The following FOXJ3 variants were observed in gnomAD, a reference collection of about 807,000 sequenced individuals.
FOXJ3 encodes the protein forkhead box J3.
In FOXJ3, 22 loss-of-function variants were observed where a neutral mutation model predicts 76.1. The observed-to-expected ratio is 0.29, with a 90% CI of 0.21 to 0.41. The LOEUF is 0.41. FOXJ3 is among the 10% of genes least tolerant of loss of function. FOXJ3 has a pLI of 1.00. For synonymous variants in FOXJ3, 269 were observed against 261.2 expected (o/e 1.03, Z -0.29); for missense variants, 613 against 762.1 (o/e 0.80, Z 2.30).
chr1:42,209,164 CAG>C (rs1282501013), intron 5 of FOXJ3, among the ~76,000 whole-genome samples: 1 of 152,188 alleles, frequency 6.6e-6, no homozygotes, highest in Non-Finnish European at 1.5e-5. Flanking sequence ...TCAACAAAAA[CAG>C]AACAGTATTC....
chr1:42,288,451 T>C (rs80048513), intron 2 of FOXJ3, among the ~76,000 whole-genome samples: 3 of 152,352 alleles, frequency 2.0e-5, no homozygotes, highest in African/African-American at 4.8e-5. Context: ...TCAGTTTTTT[T>C]CTCTACTTCT....
At chr1:42,184,021 AGAG>A (rs1490899598) in intron 11 of FOXJ3, among the ~76,000 whole-genome samples, 1 of 152,134 alleles carries the variant, frequency 6.6e-6, no homozygotes, top group Non-Finnish European at 1.5e-5. Flanking sequence ...GAAAGAAAAA[AGAG>A]GAGAAAAGTT....
chr1:42,227,659 C>A (rs568490723), intron 5 of FOXJ3, among the ~76,000 whole-genome samples: 2 of 152,218 alleles, frequency 1.3e-5, no homozygotes, highest in African/African-American at 2.4e-5. Flanking sequence ...ACGACACCTG[C>A]GCCCTAATTA....
chr1:42,286,869 G>A (rs1653090311), intron 2 of FOXJ3, among the ~76,000 whole-genome samples: 1 of 151,596 alleles, frequency 6.6e-6, no homozygotes, highest in East Asian at 2.0e-4. Context: ...CCTGACCTCA[G>A]GTGATCCGCC....
At chr1:42,250,481 C>A (rs529409744) in intron 4 of FOXJ3, among the ~76,000 whole-genome samples, 187 of 152,232 alleles carry the variant, frequency 1.2e-3, no homozygotes, top group African/African-American at 3.9e-3. Context: ...ATCAAAACAA[C>A]TGCTTGAATC....
intron 1 of FOXJ3, among the ~76,000 whole-genome samples, chr1:42,327,626 G>A (rs774018164): frequency 2.0e-5 from 3 of 151,736 alleles, no homozygotes; most frequent in Non-Finnish European, 4.4e-5. Flanking sequence ...TCACAAATCT[G>A]TTTCAACACA....
intron 5 of FOXJ3, among the ~76,000 whole-genome samples, chr1:42,211,425 T>C (rs1453309619): frequency 6.6e-6 from 1 of 152,128 alleles, no homozygotes; most frequent in Non-Finnish European, 1.5e-5. Context: ...GTTTTCCTGC[T>C]GGCCTGAAAG....
intron 4 of FOXJ3, among the ~76,000 whole-genome samples, chr1:42,234,359 C>G (rs1648408881): frequency 6.6e-6 from 1 of 152,150 alleles, no homozygotes; most frequent in Admixed American, 6.6e-5. Context: ...CCTCCTTTAG[C>G]TCGGAGTAGT....
chr1:42,312,380 T>C (rs2124760295), intron 1 of FOXJ3, among the ~76,000 whole-genome samples: 1 of 152,244 alleles, frequency 6.6e-6, no homozygotes, highest in African/African-American at 2.4e-5. Flanking sequence ...TCCTAAATAC[T>C]ATGTAGGCCA....
At chr1:42,297,061 T>C (rs1025243372) in intron 2 of FOXJ3, among the ~76,000 whole-genome samples, 1 of 152,164 alleles carries the variant, frequency 6.6e-6, no homozygotes, top group South Asian at 2.1e-4. Context: ...GGTGTGGGTG[T>C]GTGTGTGTGT....
At chr1:42,280,525 G>A (rs182494218) in intron 2 of FOXJ3, 492 of 623,834 alleles carry the variant, frequency 7.9e-4, no homozygotes, top group Non-Finnish European at 9.6e-4. Context: ...AGAAGTTATA[G>A]GGACTTGTAG....
chr1:42,267,121 A>G (rs1651524939), intron 3 of FOXJ3, among the ~76,000 whole-genome samples: 1 of 152,144 alleles, frequency 6.6e-6, no homozygotes, highest in Non-Finnish European at 1.5e-5. Flanking sequence ...GGCTGAGGGA[A>G]GAAACACTGA....
chr1:42,252,352 G>C (rs1446863677), intron 4 of FOXJ3, among the ~76,000 whole-genome samples: 1 of 152,168 alleles, frequency 6.6e-6, no homozygotes, highest in African/African-American at 2.4e-5. Context: ...TTAGTCTTGG[G>C]AGAGTGTACG....
chr1:42,221,549 G>A (rs1381792830), intron 5 of FOXJ3, among the ~76,000 whole-genome samples: 1 of 151,980 alleles, frequency 6.6e-6, no homozygotes, highest in Non-Finnish European at 1.5e-5. Context: ...TCAAACTCCT[G>A]GGCTCACGCA....
chr1:42,231,993 C>T (rs541166179), intron 4 of FOXJ3, among the ~76,000 whole-genome samples: 72 of 152,282 alleles, frequency 4.7e-4, no homozygotes, highest in African/African-American at 1.5e-3. Context: ...GTTCTCCTTC[C>T]TGTGTCCATG....
intron 7 of FOXJ3, among the ~76,000 whole-genome samples, chr1:42,197,173 A>G (rs1407456303): frequency 1.3e-5 from 2 of 152,154 alleles, no homozygotes; most frequent in Admixed American, 1.3e-4. Context: ...CTCTGCATAC[A>G]ATGCTCCATT....
chr1:42,196,313 T>A (rs1367072588), intron 7 of FOXJ3, among the ~76,000 whole-genome samples: 1 of 152,150 alleles, frequency 6.6e-6, no homozygotes, highest in Non-Finnish European at 1.5e-5. Flanking sequence ...AGGATCAAAC[T>A]ATATAGATGT....
chr1:42,235,002 T>G (rs940497545), intron 4 of FOXJ3, among the ~76,000 whole-genome samples: 22 of 152,182 alleles, frequency 1.4e-4, no homozygotes, highest in Non-Finnish European at 2.9e-4. Context: ...CCCCCAGAGG[T>G]GGAGTCTACA....
chr1:42,332,235 T>C (rs952636288), intron 1 of FOXJ3, among the ~76,000 whole-genome samples: 1 of 152,194 alleles, frequency 6.6e-6, no homozygotes, highest in African/African-American at 2.4e-5. Context: ...TTCATTATAC[T>C]ACTACCCTCC....
Sources: gnomAD v4.1 joint callset for allele counts (sites outside exome capture counted in the v4.1 genomes callset) on GRCh38, gnomAD v4.1.1 for gene constraint, MANE v1.5 for transcripts, NCBI Gene and HGNC (gene_info 2026-07-23, HGNC 2026-07-21) for gene names.